MTAP: variants seen among roughly 807,000 people sequenced by gnomAD.
MTAP encodes methylthioadenosine phosphorylase.
A neutral mutation model predicts 33.6 loss-of-function variants in MTAP; 33 were observed. The ratio of observed to expected loss-of-function variants is 0.98; its 90% CI spans 0.74 to 1.31. MTAP has a LOEUF of 1.31. Among genes scored for constraint, MTAP ranks in the 40% most tolerant of loss-of-function variants. The pLI, the probability that MTAP is intolerant of heterozygous loss-of-function variation, is 0.00. For missense variants in MTAP, 367 were observed against 360.0 expected (o/e 1.02, Z -0.16); for synonymous variants, 148 against 125.7 (o/e 1.18, Z -1.19).
chr9:21,849,475 G>C (rs537127748), intron 5 of MTAP, among the ~76,000 whole-genome samples: 4 of 152,082 alleles, frequency 2.6e-5, no homozygotes, highest in African/African-American at 9.7e-5. Flanking sequence ...CTCATCCTGT[G>C]GTCATTTCCC....
chr9:21,911,550 AG>A (rs746964424), intron 1 of MTAP, among the ~76,000 whole-genome samples: 1 of 152,218 alleles, frequency 6.6e-6, no homozygotes, highest in Non-Finnish European at 1.5e-5. Flanking sequence ...AACGAAATGA[AG>A]GCAGAAATAA....
chr9:21,867,301 T>G (rs565859366), downstream of MTAP, among the ~76,000 whole-genome samples: 133 of 152,290 alleles, frequency 8.7e-4, no homozygotes, highest in African/African-American at 3.1e-3. Flanking sequence ...TATTAAAATA[T>G]GTTAGCTATA....
At chr9:21,825,091 G>A (rs1424166489) in intron 4 of MTAP, among the ~76,000 whole-genome samples, 3 of 152,088 alleles carry the variant, frequency 2.0e-5, no homozygotes, top group Non-Finnish European at 4.4e-5. Context: ...CACACTCGAT[G>A]GGCTGCACCC....
intron 4 of MTAP, among the ~76,000 whole-genome samples, chr9:21,819,465 G>T (rs1177324305): frequency 2.6e-5 from 4 of 152,162 alleles, no homozygotes; most frequent in Admixed American, 6.5e-5. Flanking sequence ...ACAAAGGACA[G>T]GAACTAATCC....
chr9:21,854,818 C>T lies in MTAP; in HGVS notation c.638C>T (p.Ala213Val). 1 of 1,614,136 alleles carries T rather than the reference C, an allele frequency of 6.2e-7. No homozygotes were observed. The highest frequency in any genetic ancestry group is 1.3e-5 in the African/African-American group (1 of 75,042). ...GCTAAGGAGGCTGGAATTTGTTACGCAAGTATCGCCATGGCGACAGATTAT... is the reference window on the plus strand; with the variant it reads ...GCTAAGGAGGCTGGAATTTGTTACGTAAGTATCGCCATGGCGACAGATTAT... Reference protein sequence around the residue: ...VLAKEAGICYASIAMATDYDC... With the variant: ...VLAKEAGICYVSIAMATDYDC... The change falls in exon 6 of 8, where the codon GCA (alanine) becomes GTA (valine). Residue 213 changes from alanine (A) to valine (V), a missense_variant. By Grantham distance (64) the Ala-to-Val change is moderately conservative (BLOSUM62 0). Coordinates refer to ENST00000644715, the MANE Select transcript of MTAP (RefSeq NM_002451.4).
downstream of MTAP, among the ~76,000 whole-genome samples, chr9:21,939,759 T>A (rs1308109409): frequency 6.6e-6 from 1 of 152,024 alleles, no homozygotes; most frequent in Non-Finnish European, 1.5e-5. Flanking sequence ...GGTGCACGCT[T>A]GTAATCCCAG....
downstream of MTAP, chr9:21,934,431 C>T (rs945738649): frequency 6.6e-6 from 1 of 152,078 alleles, no homozygotes; most frequent in African/African-American, 2.4e-5. This position sits in a 1 kb window ranked among gnomAD's most constrained non-coding sequence, Gnocchi z 5.0. Context: ...ATAAAAATTT[C>T]TTTAAGTTTG....
chr9:21,911,278 C>T (rs1358603312), intron 1 of MTAP, among the ~76,000 whole-genome samples: 1 of 152,136 alleles, frequency 6.6e-6, no homozygotes, highest in Non-Finnish European at 1.5e-5. Flanking sequence ...ACCAAGCAGA[C>T]CTAATAGACA....
chr9:21,885,781 TG>T (rs1166629929), intron 1 of MTAP, among the ~76,000 whole-genome samples: 1 of 24,312 alleles, frequency 4.1e-5, no homozygotes, highest in African/African-American at 3.8e-4. Context: ...TATTACATGG[TG>T]TGTGTGTGTG....
intron 5 of MTAP, among the ~76,000 whole-genome samples, chr9:21,845,330 T>G (rs1825352843): frequency 1.3e-5 from 2 of 152,138 alleles, no homozygotes; most frequent in African/African-American, 4.8e-5. Context: ...CAGCAAAGTT[T>G]CAAGATGCAA....
At chr9:21,830,459 C>G (rs1200254359) in intron 4 of MTAP, among the ~76,000 whole-genome samples, 1 of 152,180 alleles carries the variant, frequency 6.6e-6, no homozygotes, top group South Asian at 2.1e-4. Flanking sequence ...TTGTTAGAGC[C>G]ACAAGTCATT....
chr9:21,882,710 C>A (rs1803757930), intron 1 of MTAP, among the ~76,000 whole-genome samples: 1 of 151,860 alleles, frequency 6.6e-6, no homozygotes, highest in Admixed American at 6.6e-5. Flanking sequence ...GGTACATTTA[C>A]CAGAACTGAT....
intron 5 of MTAP, among the ~76,000 whole-genome samples, chr9:21,844,451 C>A (rs145762979): frequency 9.9e-5 from 15 of 152,212 alleles, no homozygotes; most frequent in African/African-American, 3.4e-4. Flanking sequence ...GACCAATATC[C>A]CTGATGTACG....
downstream of MTAP, among the ~76,000 whole-genome samples, chr9:21,872,015 C>T (rs1162291493): frequency 6.6e-6 from 1 of 152,092 alleles, no homozygotes; most frequent in Non-Finnish European, 1.5e-5. Context: ...AACCATTATG[C>T]TAAAAGGTAT....
intron 5 of MTAP, among the ~76,000 whole-genome samples, chr9:21,849,741 C>A (rs553201271): frequency 6.6e-6 from 1 of 152,348 alleles, no homozygotes; most frequent in African/African-American, 2.4e-5. Flanking sequence ...TTTATCTCTC[C>A]CATTTGGCCC....
At chr9:21,819,438 G>A (rs959597755) in intron 4 of MTAP, among the ~76,000 whole-genome samples, 3 of 152,146 alleles carry the variant, frequency 2.0e-5, no homozygotes, top group African/African-American at 4.8e-5. Context: ...ATGGTTTCCA[G>A]CTTCATCCAT....
At chr9:21,818,647 G>C (rs1366650467) in intron 4 of MTAP, among the ~76,000 whole-genome samples, 1 of 152,040 alleles carries the variant, frequency 6.6e-6, no homozygotes. Flanking sequence ...TTCATTGTGA[G>C]TTTTTGTTTT....
Position 21,867,061 on chromosome 9 carries a change from T to C in MTAP, c.*5047T>C, listed in dbSNP as rs1167725704. On this transcript the variant is annotated 3_prime_UTR_variant, in exon 8 of 8. Transcript: ENST00000644715. ...ATTGACTTTATATTCTGTAATCTTATTAAATTCACTTAGTTCAGTAGTAGT... is the reference window on the plus strand; with the variant it reads ...ATTGACTTTATATTCTGTAATCTTACTAAATTCACTTAGTTCAGTAGTAGT... 2 of 152,204 alleles carry C rather than the reference T, an allele frequency of 1.3e-5. No individual in the cohort carries two copies. Among genetic ancestry groups the C allele is most frequent in the South Asian group, 2.1e-4 (1 of 4,834 alleles). 9.4% of individuals were successfully genotyped at this position (152,204 alleles called of 1,614,324 possible).
At chr9:21,853,992 A>G (rs955726792) in intron 5 of MTAP, among the ~76,000 whole-genome samples, 9 of 152,196 alleles carry the variant, frequency 5.9e-5, no homozygotes, top group Admixed American at 5.9e-4. Context: ...GAACTTTTCA[A>G]TGATGTTTCT....
Sources: gnomAD v4.1 joint callset for allele counts (sites outside exome capture counted in the v4.1 genomes callset) on GRCh38, gnomAD v4.1.1 for gene constraint, Gnocchi (gnomAD v3.1) non-coding constraint, MANE v1.5 for transcripts, NCBI Gene and HGNC (gene_info 2026-07-23, HGNC 2026-07-21) for gene names.